The following RALYL variants were observed in gnomAD, a reference collection of about 807,000 sequenced individuals.
RALYL encodes the protein RALY RNA binding protein like, also known as RNA-binding Raly-like protein.
RALYL carries 29 observed loss-of-function variants against 35.1 expected under a neutral mutation model. The ratio of observed to expected loss-of-function variants is 0.83; its 90% CI spans 0.61 to 1.13. RALYL has a LOEUF of 1.13. Among genes scored for constraint, RALYL ranks in the 50% most tolerant of loss-of-function variants. The pLI, the probability that RALYL is intolerant of heterozygous loss-of-function variation, is 0.00. For synonymous variants in RALYL, 120 were observed against 127.6 expected (o/e 0.94, Z 0.40); for missense variants, 359 against 360.4 (o/e 1.00, Z 0.03).
At chr8:84,691,624 C>A (rs942353238) in intron 2 of RALYL, among the ~76,000 whole-genome samples, 4 of 151,882 alleles carry the variant, frequency 2.6e-5, no homozygotes, top group African/African-American at 4.8e-5. Context: ...TTTCTTCCTC[C>A]CCCCTCCCCT....
intron 1 of RALYL, among the ~76,000 whole-genome samples, chr8:84,498,717 G>A (rs1450309762): frequency 6.6e-6 from 1 of 151,992 alleles, no homozygotes; most frequent in Non-Finnish European, 1.5e-5. Flanking sequence ...ACTCTTTTAA[G>A]AGAAATAAAG....
chr8:84,775,408 G>A (rs1448614171), intron 3 of RALYL, among the ~76,000 whole-genome samples: 1 of 152,228 alleles, frequency 6.6e-6, no homozygotes, highest in Non-Finnish European at 1.5e-5. Flanking sequence ...TTTTTTCAAG[G>A]TCACACCACT....
At chr8:84,204,921 T>G (rs949982720) in intron 1 of RALYL, among the ~76,000 whole-genome samples, 2 of 152,166 alleles carry the variant, frequency 1.3e-5, no homozygotes, top group African/African-American at 4.8e-5. Flanking sequence ...AGCTTTATTG[T>G]TTTTATTCCT....
At chr8:84,774,869 T>TA (rs779756198) in intron 3 of RALYL, among the ~76,000 whole-genome samples, 1 of 152,212 alleles carries the variant, frequency 6.6e-6, no homozygotes, top group Non-Finnish European at 1.5e-5. Flanking sequence ...ACAACCCTTC[T>TA]ACGAGATACT....
chr8:84,724,788 G>A (rs2132697631), intron 2 of RALYL, among the ~76,000 whole-genome samples: 1 of 151,782 alleles, frequency 6.6e-6, no homozygotes, highest in Admixed American at 6.6e-5. Flanking sequence ...CATAGAATTT[G>A]TGCTTAGAAA....
At chr8:84,768,785 A>C (rs1814716165) in intron 2 of RALYL, among the ~76,000 whole-genome samples, 2 of 152,244 alleles carry the variant, frequency 1.3e-5, no homozygotes, top group South Asian at 4.1e-4. Context: ...CATCCAAAAG[A>C]AAATTCTGCA....
intron 2 of RALYL, among the ~76,000 whole-genome samples, chr8:84,669,141 C>T (rs1291022411): frequency 1.3e-5 from 2 of 152,168 alleles, no homozygotes; most frequent in Non-Finnish European, 2.9e-5. Flanking sequence ...AGATTCACAG[C>T]CACAACTTTC....
At chr8:84,390,128 A>T (rs960952675) in intron 1 of RALYL, among the ~76,000 whole-genome samples, 2 of 152,076 alleles carry the variant, frequency 1.3e-5, no homozygotes, top group African/African-American at 4.8e-5. Context: ...GGTTCTGTTT[A>T]TATGCTGGAT....
Position 84,196,275 on chromosome 8 carries a change from C to T in RALYL, c.-24+11851C>T, listed in dbSNP as rs533535139. ...GTACAACTTAAAAGAAAAAGGGAAG[C>T]GTGGAAGAGGGGAGAAAGGAAATGG... On this transcript the variant is annotated intron_variant, in intron 1 of 8. Transcript: ENST00000521268. Among the ~76,000 whole-genome samples the T allele has an allele frequency of 1.2e-4, 18 of 151,978 alleles. No individual in the cohort carries two copies. In the South Asian group the frequency reaches 2.9e-3, roughly 25 times the overall value.
intron 1 of RALYL, among the ~76,000 whole-genome samples, chr8:84,481,503 C>T (rs2054036387): frequency 6.6e-6 from 1 of 152,032 alleles, no homozygotes; most frequent in Admixed American, 6.6e-5. Flanking sequence ...ATCAAACAGA[C>T]TTTATTATGA....
chr8:84,654,267 TTCCATATATATATATATATATATATA>T (rs1829454486), intron 2 of RALYL, among the ~76,000 whole-genome samples: 1 of 66,254 alleles, frequency 1.5e-5, no homozygotes, highest in African/African-American at 4.8e-5. Context: ...ATATCTCATG[TTCCATATATATATATATATATATATA>T]TATATATATA....
intron 2 of RALYL, among the ~76,000 whole-genome samples, chr8:84,759,024 C>T (rs1055660579): frequency 3.3e-5 from 5 of 152,114 alleles, no homozygotes; most frequent in Admixed American, 2.6e-4. Flanking sequence ...CTGGCAGCCT[C>T]CTGTATTCCT....
chr8:84,859,133 T>C (rs368940052), intron 5 of RALYL, among the ~76,000 whole-genome samples: 104 of 152,270 alleles, frequency 6.8e-4, no homozygotes, highest in African/African-American at 2.4e-3. Context: ...GACAGAATTT[T>C]CTGGGGTTTA....
At chr8:84,904,187 A>G (rs913251587) in intron 8 of RALYL, among the ~76,000 whole-genome samples, 10 of 152,152 alleles carry the variant, frequency 6.6e-5, no homozygotes, top group Non-Finnish European at 1.3e-4. Context: ...TTCAGTGCCC[A>G]TTGTTACGCC....
intron 1 of RALYL, among the ~76,000 whole-genome samples, chr8:84,421,526 G>C (rs1195857281): frequency 7.0e-6 from 1 of 142,844 alleles, no homozygotes; most frequent in African/African-American, 2.6e-5. Flanking sequence ...TTTCCTAATT[G>C]AATACCCTTT....
At chr8:84,398,300 A>G (rs552335045) in intron 1 of RALYL, among the ~76,000 whole-genome samples, 1 of 149,878 alleles carries the variant, frequency 6.7e-6, no homozygotes, top group East Asian at 2.0e-4. Context: ...TTTACAAGGT[A>G]AAGTTTCTTT....
intron 1 of RALYL, among the ~76,000 whole-genome samples, chr8:84,247,041 G>A (rs1252486955): frequency 6.6e-6 from 1 of 152,114 alleles, no homozygotes. Flanking sequence ...TGTAACATAA[G>A]CTGCATAGAC....
chr8:84,277,993 C>T (rs1835747596), intron 1 of RALYL, among the ~76,000 whole-genome samples: 2 of 152,332 alleles, frequency 1.3e-5, no homozygotes, highest in South Asian at 4.1e-4. Context: ...CATCTTCTCA[C>T]AGCTCCACTA....
At chr8:84,588,831 G>A (rs1468857011) in intron 2 of RALYL, among the ~76,000 whole-genome samples, 2 of 152,116 alleles carry the variant, frequency 1.3e-5, no homozygotes. Flanking sequence ...CCCAAGACTG[G>A]AGTTATTCAT....
Sources: gnomAD v4.1 joint callset for allele counts (sites outside exome capture counted in the v4.1 genomes callset) on GRCh38, gnomAD v4.1.1 for gene constraint, MANE v1.5 for transcripts, NCBI Gene and HGNC (gene_info 2026-07-23, HGNC 2026-07-21) for gene names.